TRAF2: variants seen among roughly 807,000 people sequenced by gnomAD.
The protein encoded by TRAF2 is TNF receptor associated factor 2.
In TRAF2, 6 loss-of-function variants were observed where a neutral mutation model predicts 55.6. The observed-to-expected ratio is 0.11, with a 90% CI of 0.06 to 0.21. TRAF2 has a LOEUF of 0.21. Ranked by LOEUF, TRAF2 falls within the 10% of genes least tolerant of loss-of-function variation. The pLI is 1.00. For synonymous variants in TRAF2, 329 were observed against 276.3 expected, an observed-to-expected ratio of 1.19 and a Z score of -1.89; for missense variants, 561 against 684.5, an observed-to-expected ratio of 0.82 and a Z score of 2.01.
chr9:136,908,176 A>G lies in TRAF2; in HGVS notation c.473A>G (p.Glu158Gly), dbSNP rs144301926. The G allele has an allele frequency of 1.2e-6, 2 of 1,601,846 alleles. No homozygotes were observed. Among genetic ancestry groups the G allele is most frequent in the African/African-American group, 2.7e-5 (2 of 74,930 alleles). ...CGCCACCTGGAGCACGAGTGCCCGG[A>G]GAGAAGCCTGAGCTGCCGGCATTGC... Reference protein sequence around the residue: ...KERHLEHECPERSLSCRHCRA... With the variant: ...KERHLEHECPGRSLSCRHCRA... The change falls in exon 5 of 11, where the codon GAG becomes GGG. Residue 158 changes from glutamate to glycine, a missense_variant. Transcript: ENST00000247668.
At chr9:136,909,108 GAA>G (rs1850034784) in intron 5 of TRAF2, among the ~76,000 whole-genome samples, 3 of 152,194 alleles carry the variant, frequency 2.0e-5, no homozygotes, top group Non-Finnish European at 1.5e-5. Flanking sequence ...TTTTGTCTTA[GAA>G]AAGTCTAAAT....
In TRAF2 at chr9:136,920,220, C is replaced by T. The variant is rs768486041; in HGVS notation, c.679-14C>T. 66 of 1,598,034 alleles carry T rather than the reference C, an allele frequency of 4.1e-5. No individual in the cohort carries two copies. The highest frequency in any genetic ancestry group is 4.1e-4 in the Middle Eastern group (2 of 4,826). On this transcript the variant is annotated splice_polypyrimidine_tract_variant and intron_variant, in intron 7 of 10. Transcript: ENST00000247668. ...GTGGATGGAGCCAGCAGCCTCCCTG[C>T]CCTGTGTCCGCAGGTAGAGGGTGAG... is the stretch of plus-strand genomic sequence containing the variant.
chr9:136,891,942 TCAC>T (rs1459679106), intron 1 of TRAF2, among the ~76,000 whole-genome samples: 1 of 150,532 alleles, frequency 6.6e-6, no homozygotes, highest in Non-Finnish European at 1.5e-5. Flanking sequence ...CTGGTCTCGA[TCAC>T]CACCTCAGGT....
In TRAF2 at chr9:136,926,432, CT is replaced by C. The variant is rs1198144539; in HGVS notation, c.*532del. On this transcript the variant is annotated 3_prime_UTR_variant, in exon 11 of 11. Coordinates refer to ENST00000247668, the MANE Select transcript of TRAF2 (RefSeq NM_021138.4). ...CATTCCTAGACCCCTGGGTGCTTGT[CT>C]GCACAGAGCTCTGGTCTGTGCCACC... 3.9e-5 allele frequency: 11 copies of C among 284,848 alleles called. No individual in the cohort carries two copies. The highest frequency in any genetic ancestry group is 1.3e-4 in the African/African-American group (6 of 45,932). 17.6% of individuals were successfully genotyped at this position (284,848 alleles called of 1,614,324 possible). A position where few individuals can be genotyped will look rare whatever the true frequency, so the allele number is the denominator to read the frequency against.
upstream of TRAF2, among the ~76,000 whole-genome samples, chr9:136,884,399 A>G (rs1202257205): frequency 6.6e-6 from 1 of 151,918 alleles, no homozygotes; most frequent in Non-Finnish European, 1.5e-5. Flanking sequence ...CTCTACTAAA[A>G]TACAAAAAAA....
chr9:136,919,894 T>G (rs556959790), intron 7 of TRAF2, among the ~76,000 whole-genome samples: 21 of 152,114 alleles, frequency 1.4e-4, no homozygotes, highest in Non-Finnish European at 2.9e-5. Context: ...TTTTAAAAAT[T>G]TTTTGTAGAC....
chr9:136,887,092 G>A (rs1411602529), intron 1 of TRAF2, among the ~76,000 whole-genome samples: 1 of 152,186 alleles, frequency 6.6e-6, no homozygotes, highest in South Asian at 2.1e-4. Context: ...CTGCCTTCCT[G>A]CCCAGTGGCT....
At chr9:136,901,416 A>G (rs1397418122) in intron 4 of TRAF2, among the ~76,000 whole-genome samples, 2 of 152,218 alleles carry the variant, frequency 1.3e-5, no homozygotes, top group Admixed American at 6.5e-5. Flanking sequence ...ACACAGTGGG[A>G]TATGATTCAG....
At position 136,923,972 on chromosome 9, in the gene TRAF2, C is replaced by T. The variant is rs746702895; in HGVS notation, c.1259C>T (p.Ala420Val). Residue 420 changes from alanine to valine, a missense_variant, in exon 10 of 11, where the codon GCC becomes GTC. Transcript: ENST00000247668. ...GTGGTGATGAAGGGCCCGAATGACG[C>T]CCTGCTGCGGTGGCCCTTCAACCAG... The part of the protein sequence containing the change: ...FFVVMKGPND[A>V]LLRWPFNQKV... 7 of 1,613,614 alleles carry T rather than the reference C, an allele frequency of 4.3e-6. No individual in the cohort carries two copies. The highest frequency in any genetic ancestry group is 1.7e-4 in the Middle Eastern group (1 of 5,962).
chr9:136,893,522 A>G (rs1032762552), intron 1 of TRAF2, among the ~76,000 whole-genome samples: 1 of 152,186 alleles, frequency 6.6e-6, no homozygotes, highest in Non-Finnish European at 1.5e-5. Context: ...CAGTTTTGGC[A>G]GTCCACGTGT....
In TRAF2 at chr9:136,898,907, T is replaced by A; in HGVS notation, c.167T>A (p.Phe56Tyr). The A allele has an allele frequency of 1.2e-6, 2 of 1,610,272 alleles. No homozygotes were observed. The highest frequency in any genetic ancestry group is 1.7e-6 in the Non-Finnish European group (2 of 1,178,880). ...QAQCGHRYCS[F>Y]CLASILSSGP... Reference sequence around the variant, plus strand: ...CAGTGTGGCCACCGGTACTGCTCCTTCTGCCTGGCCAGCATCCTCAGGTGC... The same window carrying A: ...CAGTGTGGCCACCGGTACTGCTCCTACTGCCTGGCCAGCATCCTCAGGTGC... The change falls in exon 2 of 11, where the codon TTC (phenylalanine) becomes TAC (tyrosine). Residue 56 changes from phenylalanine (F) to tyrosine (Y), a missense_variant. By Grantham distance (22) the Phe-to-Tyr change is conservative. Coordinates refer to ENST00000247668, the MANE Select transcript of TRAF2 (RefSeq NM_021138.4).
intron 4 of TRAF2, among the ~76,000 whole-genome samples, chr9:136,905,412 G>C (rs2131302415): frequency 6.6e-6 from 1 of 152,300 alleles, no homozygotes. Flanking sequence ...CAAATTGAGA[G>C]CCAATAGATG....
rs145541787 is a variant in TRAF2 at position 136,908,092 on chromosome 9, C to T, written c.389C>T (p.Pro130Leu). Residue 130 changes from proline (P) to leucine (L), a missense_variant, in exon 5 of 11, where the codon CCG (proline) becomes CTG (leucine). By Grantham distance (98) the Pro-to-Leu change is moderately conservative. Around this residue, in one of 2 missense-constraint regions of TRAF2, gnomAD observed 426 missense variants for 476.8 expected, o/e 0.89. Transcript: ENST00000247668. Reference protein sequence around the residue: ...EYESCHEGRCPLMLTECPACK... With the variant: ...EYESCHEGRCLLMLTECPACK... Reference sequence around the variant, plus strand: ...TAGAGCTGCCACGAAGGCCGCTGCCCGCTCATGCTGACCGAATGTCCCGCG... The same window carrying T: ...TAGAGCTGCCACGAAGGCCGCTGCCTGCTCATGCTGACCGAATGTCCCGCG... 65 of 1,605,090 alleles carry T rather than the reference C, an allele frequency of 4.0e-5. No homozygotes were observed. The South Asian group carries it at 5.2e-4, about 13-fold the overall frequency.
intron 7 of TRAF2, among the ~76,000 whole-genome samples, chr9:136,917,539 T>C (rs7034762): frequency 0.78 from 119,192 of 152,180 alleles, 47,134 homozygotes; most frequent in African/African-American, 0.89. Flanking sequence ...CCAGAGGTGG[T>C]CCCCAGCTGA....
chr9:136,920,756 TTC>T (rs1850365830), intron 8 of TRAF2, among the ~76,000 whole-genome samples: 1 of 152,208 alleles, frequency 6.6e-6, no homozygotes, highest in Non-Finnish European at 1.5e-5. Flanking sequence ...CAGGAGCCTC[TTC>T]TCTCTGATGG....
At chr9:136,909,746 C>T (rs984286447) in intron 5 of TRAF2, among the ~76,000 whole-genome samples, 174 bp from the exon 6 acceptor site, 6 of 152,232 alleles carry the variant, frequency 3.9e-5, no homozygotes, top group Non-Finnish European at 8.8e-5. Context: ...CTCCGAGGCT[C>T]CTGGGTGGTG....
chr9:136,897,574 C>T (rs568531876), intron 1 of TRAF2, among the ~76,000 whole-genome samples: 3 of 151,228 alleles, frequency 2.0e-5, no homozygotes, highest in East Asian at 3.9e-4. Flanking sequence ...CCCAGGTGTG[C>T]TACGTTCCGC....
At position 136,909,557 on chromosome 9, in the gene TRAF2, C is replaced by G. The variant is rs374083008; in HGVS notation, c.529-363C>G. 1.2e-4 allele frequency among the ~76,000 whole-genome samples: 18 copies of G among 152,258 alleles called. No homozygotes were observed. In the East Asian group the frequency reaches 2.7e-3, roughly 23 times the overall value. ...TGTCAGGGTCTGTCTTGGAGACGTC[C>G]CGCATGCCGCCAGCCCTGCCCATCC... On this transcript the variant is annotated intron_variant, in intron 5 of 10. Coordinates refer to ENST00000247668, the MANE Select transcript of TRAF2 (RefSeq NM_021138.4).
At chr9:136,887,660 G>T (rs958291588) in intron 1 of TRAF2, among the ~76,000 whole-genome samples, 2 of 152,176 alleles carry the variant, frequency 1.3e-5, no homozygotes, top group African/African-American at 4.8e-5. Flanking sequence ...CTGTAACTCA[G>T]TCTCTCTCCC....
Sources: gnomAD v4.1 joint callset for allele counts (sites outside exome capture counted in the v4.1 genomes callset) on GRCh38, gnomAD v4.1.1 for gene constraint, gnomAD v4.1.1 regional missense constraint, MANE v1.5 for transcripts, NCBI Gene and HGNC (gene_info 2026-07-23, HGNC 2026-07-21) for gene names.